The following NKAIN2 variants were observed in gnomAD, a reference collection of about 807,000 sequenced individuals.
NKAIN2 encodes the protein sodium/potassium transporting ATPase interacting 2, also known as sodium/potassium-transporting ATPase subunit beta-1-interacting protein 2.
In NKAIN2, 14 loss-of-function variants were observed where a neutral mutation model predicts 32.6. That is an observed-to-expected ratio of 0.43 (90% CI 0.28 to 0.67). NKAIN2 has a LOEUF of 0.67. Ranked by LOEUF, NKAIN2 falls within the 30% of genes least tolerant of loss-of-function variation. NKAIN2 has a pLI of 0.17. For synonymous variants in NKAIN2, 80 were observed against 87.2 expected (o/e 0.92, Z 0.46); for missense variants, 198 against 258.3 (o/e 0.77, Z 1.60).
At chr6:124,008,758 T>C (rs1366356246) in intron 1 of NKAIN2, among the ~76,000 whole-genome samples, 1 of 152,198 alleles carries the variant, frequency 6.6e-6, no homozygotes, top group East Asian at 1.9e-4. Flanking sequence ...GATAAAGGGC[T>C]GTCTTGGCGA....
chr6:124,211,980 A>G (rs987559312), intron 1 of NKAIN2, among the ~76,000 whole-genome samples: 1 of 152,034 alleles, frequency 6.6e-6, no homozygotes, highest in African/African-American at 2.4e-5. Flanking sequence ...GCTTTCTTCT[A>G]TTGGAATATT....
chr6:124,764,587 C>T (rs899265532), intron 4 of NKAIN2, among the ~76,000 whole-genome samples: 6 of 152,102 alleles, frequency 3.9e-5, no homozygotes, highest in African/African-American at 1.2e-4. Flanking sequence ...AGTATTACTC[C>T]AGTCTAGGGG....
At chr6:124,561,628 C>A (rs1170987504) in intron 3 of NKAIN2, among the ~76,000 whole-genome samples, 1 of 151,782 alleles carries the variant, frequency 6.6e-6, no homozygotes, top group African/African-American at 2.4e-5. Flanking sequence ...TCTTTTTTTT[C>A]ATCTATAACT....
At chr6:124,771,285 AG>A (rs1778741258) in intron 4 of NKAIN2, among the ~76,000 whole-genome samples, 1 of 152,222 alleles carries the variant, frequency 6.6e-6, no homozygotes, top group Admixed American at 6.5e-5. Flanking sequence ...AGAAGAATTA[AG>A]AAACATTTTG....
chr6:123,824,581 C>A (rs1172993504), intron 1 of NKAIN2, among the ~76,000 whole-genome samples: 1 of 151,932 alleles, frequency 6.6e-6, no homozygotes, highest in Non-Finnish European at 1.5e-5. Flanking sequence ...TTAAAAATTA[C>A]TATCCCATAG....
At chr6:124,311,196 C>T (rs989773195) in intron 2 of NKAIN2, among the ~76,000 whole-genome samples, 3 of 152,106 alleles carry the variant, frequency 2.0e-5, no homozygotes, top group African/African-American at 4.8e-5. Context: ...CTGTGACCCC[C>T]ATCCTCAGTC....
chr6:124,788,978 TAA>T, intron 4 of NKAIN2, among the ~76,000 whole-genome samples: 1 of 152,230 alleles, frequency 6.6e-6, no homozygotes, highest in East Asian at 1.9e-4. Context: ...ATTTAAAAGC[TAA>T]AGTTCTCTTA....
At chr6:124,181,831 T>G (rs1322929373) in intron 1 of NKAIN2, among the ~76,000 whole-genome samples, 2 of 152,184 alleles carry the variant, frequency 1.3e-5, no homozygotes, top group Non-Finnish European at 2.9e-5. Context: ...AACAAGTCTC[T>G]AAGAAGCTCC....
chr6:124,015,737 T>TA (rs1680494074), intron 1 of NKAIN2, among the ~76,000 whole-genome samples: 1 of 152,306 alleles, frequency 6.6e-6, no homozygotes, highest in Admixed American at 6.5e-5. Flanking sequence ...GAAGTTCAGT[T>TA]AGTTTTACTT....
chr6:124,194,805 C>G (rs1790234618), intron 1 of NKAIN2, among the ~76,000 whole-genome samples: 1 of 152,078 alleles, frequency 6.6e-6, no homozygotes, highest in African/African-American at 2.4e-5. Context: ...GAACTACTTT[C>G]AAATTTTTGG....
rs528708197 is a variant in NKAIN2 at position 124,615,886 on chromosome 6, A to AT, written c.274-42292dup. On this transcript the variant is annotated intron_variant, in intron 3 of 6. Coordinates refer to ENST00000368417, the MANE Select transcript of NKAIN2 (RefSeq NM_001040214.3). ...CTTCAATCTGCTATTGTGTTCAGTA[A>AT]TTTTTTTTGGATATTACGGTTGTAG... Among the ~76,000 whole-genome samples the AT allele has an allele frequency of 5.1e-4, 78 of 151,834 alleles. 3 individuals are homozygous for AT. Among genetic ancestry groups the AT allele is most frequent in the African/African-American group, 1.4e-3 (56 of 41,440 alleles).
In NKAIN2 at chr6:124,725,018, G is replaced by C. The variant is rs76126386; in HGVS notation, c.475-66321G>C. Among the ~76,000 whole-genome samples, 28 of 152,232 alleles carry C rather than the reference G, an allele frequency of 1.8e-4. No homozygotes were observed. The East Asian group carries it at 5.0e-3, about 27-fold the overall frequency. On this transcript the variant is annotated intron_variant, in intron 4 of 6. Coordinates refer to ENST00000368417, the MANE Select transcript of NKAIN2 (RefSeq NM_001040214.3). ...CATGTGTATCCCTTTCAACAACTCT[G>C]CTAAGTTTACCCAGTGTCTACTAGG...
At chr6:123,845,161 A>C (rs1358501772) in intron 1 of NKAIN2, among the ~76,000 whole-genome samples, 4 of 152,204 alleles carry the variant, frequency 2.6e-5, no homozygotes, top group Admixed American at 2.6e-4. Context: ...CAATATATGT[A>C]CTTCTATTTG....
In NKAIN2 at chr6:124,239,237, A is replaced by T. The variant is rs145084010; in HGVS notation, c.55-43768A>T. Among the ~76,000 whole-genome samples the T allele has an allele frequency of 9.2e-4, 140 of 152,202 alleles. 4 individuals are homozygous for T. In the East Asian group the frequency reaches 0.021, roughly 22 times the overall value. On this transcript the variant is annotated intron_variant, in intron 1 of 6. Coordinates refer to ENST00000368417, the MANE Select transcript of NKAIN2 (RefSeq NM_001040214.3). ...TATATATGCACCCAATACAGGAGCA[A>T]CCAGATTCATAAAGCAAGTTATTAG...
intron 4 of NKAIN2, among the ~76,000 whole-genome samples, chr6:124,782,013 T>G (rs1412654077): frequency 2.0e-5 from 3 of 152,286 alleles, no homozygotes. Flanking sequence ...ACAAGTACTT[T>G]GCTTCAGAGG....
intron 1 of NKAIN2, among the ~76,000 whole-genome samples, chr6:124,004,585 A>G (rs1002284032): frequency 1.3e-5 from 2 of 151,950 alleles, no homozygotes; most frequent in African/African-American, 4.8e-5. Flanking sequence ...TCATCCAACC[A>G]TCATTCTCAG....
At position 123,927,280 on chromosome 6, in the gene NKAIN2, G is replaced by T. The variant is rs534847647; in HGVS notation, c.54+123026G>T. On this transcript the variant is annotated intron_variant, in intron 1 of 6. Transcript: ENST00000368417. ...TTTTCTTTAAGCCACTAAGTTTTTT[G>T]TAGTCTCATGCTTCTAATTAATATT... Among the ~76,000 whole-genome samples, 190 of 152,204 alleles carry T rather than the reference G, an allele frequency of 1.2e-3. 3 individuals carry two copies. Among genetic ancestry groups the T allele is most frequent in the Non-Finnish European group, 9.0e-4 (61 of 68,006 alleles).
chr6:124,138,431 A>G lies in NKAIN2; in HGVS notation c.55-144574A>G, dbSNP rs930472794. ...CAAACACTATGGAAAACAGTATGGA[A>G]ATTTTTTAAAGAACTAAAAGTAGAA... On this transcript the variant is annotated intron_variant, in intron 1 of 6. Coordinates refer to ENST00000368417, the MANE Select transcript of NKAIN2 (RefSeq NM_001040214.3). Among the ~76,000 whole-genome samples the G allele has an allele frequency of 2.0e-5, 3 of 152,098 alleles. No homozygotes were observed. In the East Asian group the frequency reaches 5.8e-4, roughly 29 times the overall value.
At chr6:124,264,648 T>C (rs1555377) in intron 1 of NKAIN2, among the ~76,000 whole-genome samples, 66,284 of 152,048 alleles carry the variant, frequency 0.44, 16,826 homozygotes, top group African/African-American at 0.7. Flanking sequence ...ACTCAGTAGC[T>C]GTAGAAAAAG....
Sources: gnomAD v4.1 joint callset for allele counts (sites outside exome capture counted in the v4.1 genomes callset) on GRCh38, gnomAD v4.1.1 for gene constraint, MANE v1.5 for transcripts, NCBI Gene and HGNC (gene_info 2026-07-23, HGNC 2026-07-21) for gene names.